The following ADAMTS19 variants were observed in gnomAD, a reference collection of about 807,000 sequenced individuals.
ADAMTS19 encodes the protein ADAM metallopeptidase with thrombospondin type 1 motif 19, also known as A disintegrin and metalloproteinase with thrombospondin motifs 19.
ADAMTS19 carries 93 observed loss-of-function variants against 153.3 expected under a neutral mutation model. The observed-to-expected ratio is 0.61, with a 90% CI of 0.51 to 0.72. The LOEUF (loss-of-function observed/expected upper bound fraction) is 0.72. ADAMTS19 is among the 30% of genes least tolerant of loss of function. The pLI, the probability that ADAMTS19 is intolerant of heterozygous loss-of-function variation, is 0.00. For missense variants in ADAMTS19, 1,482 were observed against 1,552.1 expected (o/e 0.95, Z 0.76); for synonymous variants, 600 against 556.6 (o/e 1.08, Z -1.10).
At chr5:129,678,514 G>T (rs1276628793) in intron 16 of ADAMTS19, among the ~76,000 whole-genome samples, 2 of 151,794 alleles carry the variant, frequency 1.3e-5, no homozygotes, top group Non-Finnish European at 2.9e-5. Context: ...TTTGAATGTT[G>T]CCTGAGTTAT....
At position 129,658,347 on chromosome 5, in the gene ADAMTS19, A is replaced by AAGAGAGAGAGAGAGAGAGAGAGAG. The variant is rs1294171239; in HGVS notation, c.2305-267_2305-266insGAGAGAGAGAGAGAGAGAGAGAGA. Reference sequence around the variant, plus strand: ...AAAGAAAGAAAGAAAGAAAGAAAGAAAGAAAGAAAGAAAGAAAGAAAGAGA... The same window carrying AAGAGAGAGAGAGAGAGAGAGAGAG: ...AAAGAAAGAAAGAAAGAAAGAAAGAAAGAGAGAGAGAGAGAGAGAGAGAGAGAAAGAAAGAAAGAAAGAAAGAGA... On this transcript the variant is annotated intron_variant, in intron 14 of 22. Coordinates refer to ENST00000274487, the MANE Select transcript of ADAMTS19 (RefSeq NM_133638.6). Among the ~76,000 whole-genome samples, 27 of 116,062 alleles carry AAGAGAGAGAGAGAGAGAGAGAGAG rather than the reference A, an allele frequency of 2.3e-4. 1 individual carries two copies. The highest frequency in any genetic ancestry group is 8.8e-4 in the African/African-American group (24 of 27,214). 76.1% of individuals were successfully genotyped at this position (116,062 alleles called of 152,430 possible).
At chr5:129,667,593 C>G (rs1035010071) in intron 16 of ADAMTS19, among the ~76,000 whole-genome samples, 4 of 151,592 alleles carry the variant, frequency 2.6e-5, no homozygotes, top group African/African-American at 9.7e-5. Context: ...TGGTATGTAC[C>G]CCCCACCCTC....
At chr5:129,493,337 C>A (rs188078010) in intron 2 of ADAMTS19, among the ~76,000 whole-genome samples, 1 of 151,736 alleles carries the variant, frequency 6.6e-6, no homozygotes, top group African/African-American at 2.4e-5. Flanking sequence ...ATTCCACGCC[C>A]GTTTCTCTAC....
At chr5:129,704,463 C>A in intron 21 of ADAMTS19, 72 bp downstream of exon 21, 1 of 1,520,246 alleles carries the variant, frequency 6.6e-7, no homozygotes, top group Non-Finnish European at 8.9e-7. Flanking sequence ...ACTATAACCA[C>A]ATAGCATGGA....
chr5:129,648,689 T>C, intron 12 of ADAMTS19, 109 bp from the exon 13 acceptor site: 2 of 800,674 alleles, frequency 2.5e-6, no homozygotes, highest in Non-Finnish European at 3.7e-6. Context: ...TTTTCAAAAG[T>C]AAATATAATA....
intron 7 of ADAMTS19, among the ~76,000 whole-genome samples, chr5:129,562,627 C>CGT (rs1021182798): frequency 4.0e-5 from 6 of 151,816 alleles, no homozygotes; most frequent in African/African-American, 9.7e-5. Flanking sequence ...TCAGTGTTTA[C>CGT]GTGTGTGTGT....
chr5:129,615,834 A>G (rs1444651995), intron 8 of ADAMTS19, among the ~76,000 whole-genome samples: 2 of 151,988 alleles, frequency 1.3e-5, no homozygotes, highest in African/African-American at 4.8e-5. Context: ...CCAGGCATCC[A>G]TTGGCTATCC....
chr5:129,730,420 T>C (rs1270666294), intron 21 of ADAMTS19, among the ~76,000 whole-genome samples: 1 of 152,182 alleles, frequency 6.6e-6, no homozygotes, highest in Non-Finnish European at 1.5e-5. Flanking sequence ...AGTTATGTTA[T>C]CTGTAGATTC....
chr5:129,543,858 G>A (rs1462720994), intron 6 of ADAMTS19, among the ~76,000 whole-genome samples: 2 of 152,098 alleles, frequency 1.3e-5, no homozygotes, highest in Non-Finnish European at 2.9e-5. Flanking sequence ...ATCATACTTG[G>A]ATTATTTTTG....
intron 13 of ADAMTS19, among the ~76,000 whole-genome samples, chr5:129,653,879 A>G (rs938881500): frequency 6.6e-6 from 1 of 152,154 alleles, no homozygotes; most frequent in Admixed American, 6.6e-5. Flanking sequence ...AGACATCAAT[A>G]AATAATTCAA....
At chr5:129,707,270 A>G (rs940264410) in intron 21 of ADAMTS19, among the ~76,000 whole-genome samples, 1 of 152,220 alleles carries the variant, frequency 6.6e-6, no homozygotes, top group Non-Finnish European at 1.5e-5. Flanking sequence ...GATTGTATTC[A>G]TCTTTATTCC....
intron 2 of ADAMTS19, among the ~76,000 whole-genome samples, chr5:129,479,189 C>A (rs1750329271): frequency 6.6e-6 from 1 of 152,098 alleles, no homozygotes; most frequent in Non-Finnish European, 1.5e-5. Context: ...TACTTTGTTG[C>A]TTCAGTATTA....
At chr5:129,700,254 A>G (rs1755770617) in intron 19 of ADAMTS19, among the ~76,000 whole-genome samples, 1 of 152,204 alleles carries the variant, frequency 6.6e-6, no homozygotes, top group Non-Finnish European at 1.5e-5. Flanking sequence ...TGAATCAGTG[A>G]GATCAAAGAA....
chr5:129,528,191 A>G (rs1752082136), intron 5 of ADAMTS19, among the ~76,000 whole-genome samples: 1 of 152,038 alleles, frequency 6.6e-6, no homozygotes, highest in Non-Finnish European at 1.5e-5. Flanking sequence ...CTTAACTGGC[A>G]CTTTAGAAAA....
intron 11 of ADAMTS19, among the ~76,000 whole-genome samples, chr5:129,643,550 T>C (rs1752922385): frequency 6.6e-6 from 1 of 152,034 alleles, no homozygotes; most frequent in Non-Finnish European, 1.5e-5. Flanking sequence ...GACATAAGCA[T>C]GCAGTGATTT....
intron 3 of ADAMTS19, among the ~76,000 whole-genome samples, chr5:129,510,881 T>C (rs1751420685): frequency 7.5e-6 from 1 of 134,096 alleles, no homozygotes; most frequent in African/African-American, 2.9e-5. Flanking sequence ...ATATATATAG[T>C]AGGCATGATT....
intron 8 of ADAMTS19, among the ~76,000 whole-genome samples, chr5:129,614,519 C>G (rs7378565): frequency 0.58 from 88,383 of 151,968 alleles, 27,137 homozygotes; most frequent in Non-Finnish European, 0.69. Flanking sequence ...TAAATTAGGT[C>G]TTGATGGGAC....
intron 2 of ADAMTS19, among the ~76,000 whole-genome samples, chr5:129,508,367 G>A (rs1751330681): frequency 6.6e-6 from 1 of 151,896 alleles, no homozygotes; most frequent in Admixed American, 6.6e-5. Flanking sequence ...TTCTAGAAAA[G>A]GAAAGGAAGA....
At chr5:129,614,343 A>G (rs1459970698) in intron 8 of ADAMTS19, among the ~76,000 whole-genome samples, 2 of 152,180 alleles carry the variant, frequency 1.3e-5, no homozygotes, top group Admixed American at 6.6e-5. Context: ...CACCATGATC[A>G]AGTGGGCTTC....
Sources: gnomAD v4.1 joint callset for allele counts (sites outside exome capture counted in the v4.1 genomes callset) on GRCh38, gnomAD v4.1.1 for gene constraint, MANE v1.5 for transcripts, NCBI Gene and HGNC (gene_info 2026-07-23, HGNC 2026-07-21) for gene names.